The following GRID2 variants were observed in gnomAD, a reference collection of about 807,000 sequenced individuals.
The protein encoded by GRID2 is glutamate receptor ionotropic, delta-2.
GRID2 carries 33 observed loss-of-function variants against 114.8 expected under a neutral mutation model. The observed-to-expected ratio is 0.29, with a 90% confidence interval of 0.22 to 0.38. GRID2 has a LOEUF of 0.38. GRID2 is among the 10% of genes least tolerant of loss of function. The probability of loss-of-function intolerance (pLI) is 1.00; values close to 1 mark genes in which losing one functional copy is unlikely to be tolerated. For missense variants in GRID2, 1,184 were observed against 1,257.7 expected, an observed-to-expected ratio of 0.94 and a Z score of 0.89; for synonymous variants, 505 against 449.9, an observed-to-expected ratio of 1.12 and a Z score of -1.55.
chr4:93,417,499 C>T lies in GRID2; in HGVS notation c.1348-5272C>T, dbSNP rs116318821. Among the ~76,000 whole-genome samples, 988 of 152,034 alleles carry T rather than the reference C, an allele frequency of 6.5e-3. 9 individuals carry two copies. Among genetic ancestry groups the T allele is most frequent in the African/African-American group, 0.023 (936 of 41,492 alleles). ...AAAGTAACATCCAGAAAACACTACT[C>T]AGAGCAAAAAGCAGACGATTGTCAT... On this transcript the variant is annotated intron_variant, in intron 9 of 15. Coordinates refer to ENST00000282020, the MANE Select transcript of GRID2 (RefSeq NM_001510.4).
chr4:92,349,238 A>T (rs1321090803), intron 1 of GRID2, among the ~76,000 whole-genome samples: 1 of 152,018 alleles, frequency 6.6e-6, no homozygotes, highest in African/African-American at 2.4e-5. Flanking sequence ...TTTATAAGAG[A>T]TAGGGTAGTT....
intron 13 of GRID2, among the ~76,000 whole-genome samples, chr4:93,599,095 A>G (rs1739412712): frequency 6.6e-6 from 1 of 152,184 alleles, no homozygotes; most frequent in Admixed American, 6.5e-5. Flanking sequence ...GATATTTAAA[A>G]CCAGGAAATG....
intron 8 of GRID2, among the ~76,000 whole-genome samples, chr4:93,344,421 TC>T (rs889454972): frequency 5.3e-5 from 8 of 151,366 alleles, no homozygotes; most frequent in Admixed American, 2.6e-4. Flanking sequence ...TTTTCTTTTT[TC>T]CCCCCTCAGC....
intron 8 of GRID2, 103 bp downstream of exon 8, chr4:93,238,593 T>C (rs771075455): frequency 1.2e-6 from 1 of 859,538 alleles, no homozygotes; most frequent in Admixed American, 2.7e-5. Flanking sequence ...GTCAATATTG[T>C]AGTGTGAAAG....
chr4:93,133,150 G>T (rs898385486), intron 4 of GRID2, among the ~76,000 whole-genome samples: 2 of 151,592 alleles, frequency 1.3e-5, no homozygotes, highest in African/African-American at 2.4e-5. Flanking sequence ...GCACGTTCTC[G>T]CTCTCTCTCG....
intron 2 of GRID2, among the ~76,000 whole-genome samples, chr4:92,718,474 T>A (rs1263628328): frequency 2.6e-5 from 4 of 152,046 alleles, no homozygotes; most frequent in Non-Finnish European, 4.4e-5. Flanking sequence ...TATATATTTT[T>A]AAAAATTTCA....
intron 2 of GRID2, among the ~76,000 whole-genome samples, chr4:92,697,472 A>G (rs957952015): frequency 1.6e-4 from 24 of 152,192 alleles, no homozygotes; most frequent in Admixed American, 3.9e-4. Context: ...TGCACAGCAA[A>G]CTATGTAGTT....
intron 13 of GRID2, among the ~76,000 whole-genome samples, chr4:93,534,047 T>A (rs1731773094): frequency 6.6e-6 from 1 of 152,098 alleles, no homozygotes; most frequent in East Asian, 1.9e-4. Context: ...TTTCACTGGC[T>A]GTTTTCTGTT....
At chr4:93,373,067 T>A (rs1013873077) in intron 8 of GRID2, among the ~76,000 whole-genome samples, 1 of 152,100 alleles carries the variant, frequency 6.6e-6, no homozygotes, top group African/African-American at 2.4e-5. Context: ...CTTCAACCCA[T>A]CTCCTAAGCT....
chr4:92,947,659 A>G (rs1416939121), intron 2 of GRID2, among the ~76,000 whole-genome samples: 1 of 151,858 alleles, frequency 6.6e-6, no homozygotes, highest in African/African-American at 2.4e-5. Context: ...TTTCTTGACC[A>G]TATATAGCCT....
chr4:93,701,986 G>T (rs1727551474), intron 14 of GRID2, among the ~76,000 whole-genome samples: 1 of 151,990 alleles, frequency 6.6e-6, no homozygotes, highest in African/African-American at 2.4e-5. Flanking sequence ...ATTTCCAGCT[G>T]TGAGCAACTT....
At chr4:92,539,901 C>T (rs1474801878) in intron 1 of GRID2, among the ~76,000 whole-genome samples, 1 of 152,100 alleles carries the variant, frequency 6.6e-6, no homozygotes, top group Non-Finnish European at 1.5e-5. Context: ...AACTATACTA[C>T]AAGGCTACAA....
chr4:92,763,651 C>T (rs1472993265), intron 2 of GRID2, among the ~76,000 whole-genome samples: 1 of 152,018 alleles, frequency 6.6e-6, no homozygotes, highest in Non-Finnish European at 1.5e-5. Flanking sequence ...ATATGTGGAG[C>T]GTAATTTTTT....
intron 14 of GRID2, among the ~76,000 whole-genome samples, chr4:93,744,808 A>G (rs1578718511): frequency 1.3e-5 from 2 of 152,294 alleles, no homozygotes; most frequent in African/African-American, 4.8e-5. Context: ...TGAAAGGAAT[A>G]AGAATTGATA....
intron 1 of GRID2, among the ~76,000 whole-genome samples, chr4:92,443,295 G>T (rs1357169588): frequency 6.6e-6 from 1 of 152,292 alleles, no homozygotes; most frequent in South Asian, 2.1e-4. Flanking sequence ...TGGAACTACT[G>T]TGGAGTTTGT....
intron 1 of GRID2, among the ~76,000 whole-genome samples, chr4:92,377,359 T>C (rs1331877151): frequency 6.6e-6 from 1 of 152,070 alleles, no homozygotes; most frequent in East Asian, 1.9e-4. Context: ...GTTCCTCACT[T>C]CCATCTGAGA....
At chr4:93,388,208 G>A (rs1294237765) in intron 8 of GRID2, among the ~76,000 whole-genome samples, 3 of 152,064 alleles carry the variant, frequency 2.0e-5, no homozygotes, top group African/African-American at 7.2e-5. Flanking sequence ...TAAAGGATGA[G>A]GAAAAATTAC....
intron 11 of GRID2, among the ~76,000 whole-genome samples, chr4:93,460,067 T>C (rs1723597100): frequency 6.6e-6 from 1 of 152,212 alleles, no homozygotes; most frequent in Non-Finnish European, 1.5e-5. Context: ...CATAAGTCTT[T>C]CTTCTTCCAG....
chr4:92,446,847 A>G (rs954673366), intron 1 of GRID2, among the ~76,000 whole-genome samples: 4 of 152,236 alleles, frequency 2.6e-5, no homozygotes, highest in Admixed American at 2.6e-4. Context: ...GATTAACAGC[A>G]GAAGTTCTCA....
Sources: gnomAD v4.1 joint callset for allele counts (sites outside exome capture counted in the v4.1 genomes callset) on GRCh38, gnomAD v4.1.1 for gene constraint, MANE v1.5 for transcripts, NCBI Gene and HGNC (gene_info 2026-07-23, HGNC 2026-07-21) for gene names.